TNR: variants seen among roughly 807,000 people sequenced by gnomAD.
TNR encodes the protein tenascin R, also known as tenascin-R.
TNR carries 45 observed loss-of-function variants against 150.4 expected under a neutral mutation model. The ratio of observed to expected loss-of-function variants is 0.30; its 90% CI spans 0.24 to 0.38. The LOEUF (loss-of-function observed/expected upper bound fraction) is 0.38. Ranked by LOEUF, TNR falls within the 10% of genes least tolerant of loss-of-function variation. The pLI, the probability that TNR is intolerant of heterozygous loss-of-function variation, is 1.00. For synonymous variants in TNR, 687 were observed against 678.4 expected, an observed-to-expected ratio of 1.01 and a Z score of -0.20; for missense variants, 1,544 against 1,759.1, an observed-to-expected ratio of 0.88 and a Z score of 2.19.
chr1:175,374,004 C>T (rs935991452), intron 9 of TNR, among the ~76,000 whole-genome samples: 8 of 152,188 alleles, frequency 5.3e-5, no homozygotes, highest in African/African-American at 1.4e-4. Flanking sequence ...ACTGTGACTT[C>T]GCCCAAAGGA....
At chr1:175,585,676 T>C (rs1296322652) in intron 1 of TNR, among the ~76,000 whole-genome samples, 1 of 152,222 alleles carries the variant, frequency 6.6e-6, no homozygotes, top group Non-Finnish European at 1.5e-5. Flanking sequence ...TAGGAACTGC[T>C]TGAAGAACAC....
At chr1:175,334,694 A>G (rs1650140461) in intron 20 of TNR, among the ~76,000 whole-genome samples, 1 of 152,070 alleles carries the variant, frequency 6.6e-6, no homozygotes, top group African/African-American at 2.4e-5. Flanking sequence ...TTTATCCCCA[A>G]CCAATTGGCA....
At chr1:175,541,165 C>G (rs933648183) in intron 1 of TNR, among the ~76,000 whole-genome samples, 1 of 152,118 alleles carries the variant, frequency 6.6e-6, no homozygotes, top group Non-Finnish European at 1.5e-5. Flanking sequence ...ATGCCATTCC[C>G]TCCACCTCCC....
chr1:175,358,617 T>C (rs1651438676), intron 15 of TNR, among the ~76,000 whole-genome samples: 1 of 152,164 alleles, frequency 6.6e-6, no homozygotes. Flanking sequence ...TCTGGATTCC[T>C]GAATATAACC....
In TNR at chr1:175,379,423, T is replaced by C. The variant is rs893249919; in HGVS notation, c.1963+129A>G. 16 of 748,226 alleles carry C rather than the reference T, an allele frequency of 2.1e-5. No individual in the cohort carries two copies. The African/African-American group carries it at 2.5e-4, about 12-fold the overall frequency. 46.3% of individuals were successfully genotyped at this position (748,226 alleles called of 1,614,324 possible). ...TACAATGGATAGTACTAGACATATG[T>C]GCTAGGCACTTAAGAGATGAGATCA... On this transcript the variant is annotated intron_variant, in intron 9 of 22. Coordinates refer to ENST00000367674, the MANE Select transcript of TNR (RefSeq NM_003285.3).
At chr1:175,398,664 T>G (rs1653554603) in intron 4 of TNR, among the ~76,000 whole-genome samples, 1 of 152,218 alleles carries the variant, frequency 6.6e-6, no homozygotes, top group Non-Finnish European at 1.5e-5. Context: ...GATTAAGGTA[T>G]CATTATTACT....
intron 1 of TNR, among the ~76,000 whole-genome samples, chr1:175,635,831 G>C (rs1664475653): frequency 6.6e-6 from 1 of 152,058 alleles, no homozygotes. Context: ...ACCTACATTT[G>C]GATTCCTGAG....
At position 175,466,357 on chromosome 1, in the gene TNR, C is replaced by T. The variant is rs145159568; in HGVS notation, c.-63-59580G>A. Among the ~76,000 whole-genome samples the T allele has an allele frequency of 3.5e-3, 527 of 152,254 alleles. 6 individuals carry two copies. Among genetic ancestry groups the T allele is most frequent in the African/African-American group, 0.011 (461 of 41,548 alleles). On this transcript the variant is annotated intron_variant, in intron 2 of 22. Coordinates refer to ENST00000367674, the MANE Select transcript of TNR (RefSeq NM_003285.3). ...GAGTCCCCTGAAAAATCAGGGAAGA[C>T]CCCTTGTTCCCCAGTTCTAGATATG... is the stretch of plus-strand genomic sequence containing the variant.
chr1:175,501,157 C>T (rs1383745377), intron 2 of TNR, among the ~76,000 whole-genome samples: 1 of 152,270 alleles, frequency 6.6e-6, no homozygotes, highest in Non-Finnish European at 1.5e-5. Context: ...GGGGCTCTAT[C>T]CTAGGTAATC....
At chr1:175,341,116 C>G (rs573940023) in intron 18 of TNR, among the ~76,000 whole-genome samples, 1 of 152,162 alleles carries the variant, frequency 6.6e-6, no homozygotes, top group African/African-American at 2.4e-5. Context: ...TCAATGTGAA[C>G]GTACTGGGGC....
chr1:175,641,234 CCAAA>C (rs57110558), intron 1 of TNR, among the ~76,000 whole-genome samples: 3,290 of 152,028 alleles, frequency 0.022, 99 homozygotes, highest in African/African-American at 0.072. Flanking sequence ...TAGCAAGTGG[CCAAA>C]CAAACATTTA....
At chr1:175,570,962 C>T (rs1032870301) in intron 1 of TNR, among the ~76,000 whole-genome samples, 1 of 152,162 alleles carries the variant, frequency 6.6e-6, no homozygotes, top group African/African-American at 2.4e-5. Flanking sequence ...ATGGTGTTGA[C>T]ATTCCTTGAG....
At chr1:175,427,971 A>C (rs1655091143) in intron 2 of TNR, among the ~76,000 whole-genome samples, 1 of 150,594 alleles carries the variant, frequency 6.6e-6, no homozygotes, top group African/African-American at 2.5e-5. Flanking sequence ...GCACCAAAAA[A>C]TGCATTACAG....
intron 1 of TNR, among the ~76,000 whole-genome samples, chr1:175,585,849 G>A (rs999508958): frequency 1.2e-4 from 18 of 151,794 alleles, no homozygotes; most frequent in Admixed American, 9.2e-4. Flanking sequence ...TTAATGAAGG[G>A]CCTAGAAAAG....
At chr1:175,569,453 A>T (rs1425491542) in intron 1 of TNR, among the ~76,000 whole-genome samples, 1 of 152,248 alleles carries the variant, frequency 6.6e-6, no homozygotes, top group Admixed American at 6.5e-5. Context: ...GGCAAGCTGT[A>T]TACAACTGGA....
intron 2 of TNR, among the ~76,000 whole-genome samples, chr1:175,454,508 T>C (rs539074176): frequency 6.6e-6 from 1 of 152,318 alleles, no homozygotes; most frequent in South Asian, 2.1e-4. Context: ...TCTCGCTCTG[T>C]TGCCCAGGCT....
intron 1 of TNR, among the ~76,000 whole-genome samples, chr1:175,532,096 G>A (rs1007264342): frequency 6.6e-6 from 1 of 152,220 alleles, no homozygotes; most frequent in South Asian, 2.1e-4. Context: ...CACAGTAACA[G>A]TTCTTTTTGA....
intron 2 of TNR, among the ~76,000 whole-genome samples, chr1:175,449,356 C>A (rs187590189): frequency 1.3e-5 from 2 of 152,294 alleles, no homozygotes; most frequent in Non-Finnish European, 2.9e-5. Flanking sequence ...ACAGAAATTC[C>A]CAGGGTACCA....
intron 1 of TNR, among the ~76,000 whole-genome samples, chr1:175,550,216 T>G (rs1162361242): frequency 6.6e-6 from 1 of 152,156 alleles, no homozygotes; most frequent in East Asian, 1.9e-4. Context: ...CAAGTGCCTC[T>G]GAAGAATGGG....
Sources: allele counts gnomAD v4.1 joint callset (sites outside exome capture counted in the v4.1 genomes callset), GRCh38; gene constraint gnomAD v4.1.1; transcripts MANE v1.5; gene names NCBI Gene and HGNC (gene_info 2026-07-23, HGNC 2026-07-21).